Variants in RB1CC1 observed in about 807,000 individuals in gnomAD.
The protein encoded by RB1CC1 is RB1 inducible coiled-coil 1.
Under a neutral mutation model 177.5 loss-of-function variants are expected in RB1CC1, and 46 were observed. The ratio of observed to expected loss-of-function variants is 0.26; its 90% CI spans 0.20 to 0.33. The LOEUF (loss-of-function observed/expected upper bound fraction) is 0.33, where lower values mean the gene tolerates loss of function less well. Ranked by LOEUF, RB1CC1 falls within the 10% of genes least tolerant of loss-of-function variation. RB1CC1 has a pLI of 1.00. For missense variants in RB1CC1, 1,703 were observed against 1,816.3 expected, an observed-to-expected ratio of 0.94 and a Z score of 1.13; for synonymous variants, 666 against 613.6, an observed-to-expected ratio of 1.09 and a Z score of -1.26.
chr8:52,624,200 G>C (rs1848228799), intron 23 of RB1CC1, among the ~76,000 whole-genome samples: 1 of 151,882 alleles, frequency 6.6e-6, no homozygotes, highest in Non-Finnish European at 1.5e-5. Flanking sequence ...TATGGTTCAA[G>C]TTCTATTCGT....
intron 18 of RB1CC1, among the ~76,000 whole-genome samples, chr8:52,637,151 C>A (rs1490993948): frequency 6.6e-6 from 1 of 152,154 alleles, no homozygotes. Context: ...GTTGAACTGG[C>A]AGACCAATTT....
intron 7 of RB1CC1, among the ~76,000 whole-genome samples, chr8:52,671,810 G>A (rs1259564984): frequency 1.3e-5 from 2 of 151,902 alleles, no homozygotes; most frequent in Non-Finnish European, 2.9e-5. Flanking sequence ...GATCATCCTA[G>A]CACCTAGGTA....
In RB1CC1 at chr8:52,628,144, G is replaced by C. The variant is rs745382172; in HGVS notation, c.4524C>G (p.Leu1508=). Residue 1508 remains leucine, a synonymous_variant, in exon 22 of 24, where the codon CTC becomes CTG. Coordinates refer to ENST00000025008, the MANE Select transcript of RB1CC1 (RefSeq NM_014781.5). ...IRDFQVGDLV[L]IILDERHDNY... is the part of the protein sequence containing the mutation. ...TGTCATGGCGTTCGTCTAGGATGAT[G>C]AGTACCAAATCTCCCACCTGAAAAC... 1.9e-6 allele frequency: 3 copies of C among 1,608,914 alleles called. No homozygotes were observed. The highest frequency in any genetic ancestry group is 2.5e-6 in the Non-Finnish European group (3 of 1,176,850).
chr8:52,668,299 TA>T, intron 7 of RB1CC1, 108 bp from the exon 8 acceptor site: 1 of 1,299,936 alleles, frequency 7.7e-7, no homozygotes, highest in Non-Finnish European at 1.0e-6. Context: ...ATAAAAGATA[TA>T]AAAAAGCAAA....
chr8:52,662,638 A>G lies in RB1CC1; in HGVS notation c.1174-919T>C, dbSNP rs187520563. ...CTTCTAGGAACTTAACTTTATGACC[A>G]GCTAAAGGACAAGTGTGTCTTCCAA... On this transcript the variant is annotated intron_variant, in intron 8 of 23. Coordinates refer to ENST00000025008, the MANE Select transcript of RB1CC1 (RefSeq NM_014781.5). Among the ~76,000 whole-genome samples the G allele has an allele frequency of 1.5e-4, 23 of 152,154 alleles. No homozygotes were observed. In the East Asian group the frequency reaches 4.3e-3, roughly 28 times the overall value.
intron 7 of RB1CC1, among the ~76,000 whole-genome samples, chr8:52,672,108 C>A (rs1051566451): frequency 6.6e-6 from 1 of 152,214 alleles, no homozygotes; most frequent in South Asian, 2.1e-4. Flanking sequence ...ACTATAGCTA[C>A]CTTCTATTTT....
chr8:52,657,999 T>G lies in RB1CC1; in HGVS notation c.1919A>C (p.Lys640Thr). The change falls in exon 14 of 24, where the codon AAG (lysine) becomes ACG (threonine). Residue 640 changes from lysine to threonine, a missense_variant and splice_region_variant. Lys to Thr is a moderately conservative substitution (Grantham distance 78, BLOSUM62 -1). This residue lies in a region of RB1CC1 where 1,169 missense variants were observed against 1,184.7 expected (regional missense o/e 0.99). Transcript: ENST00000025008. The part of the protein sequence containing the change: ...QTITDLLSEQ[K>T]ASVSQTSPQS... The stretch of plus-strand genomic sequence containing the variant: ...ACTGTTTGAAAGAATTGAATTTGCC[T>G]TTTGTTCACTCAGTAGATCTGTAAT... The G allele has an allele frequency of 6.2e-7, 1 of 1,613,764 alleles. No individual in the cohort carries two copies. Among genetic ancestry groups the G allele is most frequent in the Non-Finnish European group, 8.5e-7 (1 of 1,179,908 alleles).
intron 1 of RB1CC1, among the ~76,000 whole-genome samples, chr8:52,701,455 T>C (rs890919378): frequency 1.3e-5 from 2 of 152,194 alleles, no homozygotes; most frequent in South Asian, 4.1e-4. Context: ...CAGCAGTAAA[T>C]GGAAAAAGGA....
At chr8:52,643,338 G>T (rs1849735570) in intron 16 of RB1CC1, 1 of 152,168 alleles carries the variant, frequency 6.6e-6, no homozygotes, top group African/African-American at 2.4e-5. Context: ...TGCCTGCATG[G>T]ATCTCATGAG....
At chr8:52,679,731 T>C (rs1296009587) in intron 5 of RB1CC1, among the ~76,000 whole-genome samples, 1 of 152,164 alleles carries the variant, frequency 6.6e-6, no homozygotes, top group Non-Finnish European at 1.5e-5. Context: ...ACACCACTAT[T>C]GCAGACATTT....
chr8:52,651,098 T>C (rs1563376865), intron 15 of RB1CC1, among the ~76,000 whole-genome samples: 2 of 152,076 alleles, frequency 1.3e-5, no homozygotes, highest in Non-Finnish European at 1.5e-5. Flanking sequence ...AAATGGAAAA[T>C]ACATATGGGA....
intron 7 of RB1CC1, among the ~76,000 whole-genome samples, chr8:52,670,269 C>T (rs920746000): frequency 3.9e-5 from 6 of 152,094 alleles, no homozygotes; most frequent in African/African-American, 1.4e-4. Context: ...ATATTTTATT[C>T]CATTTGTTCA....
intron 18 of RB1CC1, 46 bp downstream of exon 18, chr8:52,642,305 T>C: frequency 1.3e-6 from 2 of 1,578,290 alleles, no homozygotes; most frequent in Non-Finnish European, 1.7e-6. Flanking sequence ...TTATAACTCA[T>C]GGAATTGCAA....
At chr8:52,655,648 A>G (rs1851025263) in intron 15 of RB1CC1, among the ~76,000 whole-genome samples, 1 of 152,112 alleles carries the variant, frequency 6.6e-6, no homozygotes, top group East Asian at 1.9e-4. Context: ...TACTAAATTT[A>G]AAGAGAATAT....
chr8:52,658,113 A>G lies in RB1CC1; in HGVS notation c.1805T>C (p.Leu602Pro). 6.2e-7 allele frequency: 1 copy of G among 1,612,368 alleles called. No individual in the cohort carries two copies. Among genetic ancestry groups the G allele is most frequent in the Non-Finnish European group, 8.5e-7 (1 of 1,179,620 alleles). ...CTGGTGTAGAGGTTCAAAGTCACAA[A>G]GTAAGGGAACCCTGAAACAGAATGC... ...EVQPFLRVPL[L>P]CDFEPLHQHV... Residue 602 changes from leucine (L) to proline (P), a missense_variant, in exon 14 of 24, where the codon CTT (leucine) becomes CCT (proline). Physicochemically the swap from Leu to Pro is moderately conservative, Grantham distance 98. This residue lies in a region of RB1CC1 where 1,169 missense variants were observed against 1,184.7 expected (regional missense o/e 0.99). Transcript: ENST00000025008.
At chr8:52,713,929 G>T (rs113685028) in intron 1 of RB1CC1, 146 bp downstream of exon 1, 3,414 of 167,296 alleles carry the variant, frequency 0.02, 150 homozygotes, top group African/African-American at 0.077. Flanking sequence ...AGGCGCCGGG[G>T]CCCTCCCGTG....
intron 1 of RB1CC1, among the ~76,000 whole-genome samples, chr8:52,708,228 A>T (rs1252591725): frequency 6.6e-6 from 1 of 152,208 alleles, no homozygotes; most frequent in Non-Finnish European, 1.5e-5. Context: ...TTTAAAAGTC[A>T]AAGTATTGCC....
intron 1 of RB1CC1, among the ~76,000 whole-genome samples, chr8:52,709,163 T>C (rs1481978391): frequency 6.6e-6 from 1 of 151,838 alleles, no homozygotes; most frequent in African/African-American, 2.4e-5. Flanking sequence ...GCTGAGATCA[T>C]GCCATTGCAC....
chr8:52,661,285 G>A lies in RB1CC1; in HGVS notation c.1359-4C>T, dbSNP rs1488844112. 14 of 1,608,582 alleles carry A rather than the reference G, an allele frequency of 8.7e-6. No homozygotes were observed. The highest frequency in any genetic ancestry group is 1.2e-5 in the Non-Finnish European group (14 of 1,178,794). On this transcript the variant is annotated splice_polypyrimidine_tract_variant and splice_region_variant and intron_variant, in intron 9 of 23. Coordinates refer to ENST00000025008, the MANE Select transcript of RB1CC1 (RefSeq NM_014781.5). Reference sequence around the variant, plus strand: ...AAGCATTACAAAGCAACACCACCTAGAGAATAAAATCCATTATTTTCAACA... The same window carrying A: ...AAGCATTACAAAGCAACACCACCTAAAGAATAAAATCCATTATTTTCAACA...
Sources: allele counts gnomAD v4.1 joint callset (sites outside exome capture counted in the v4.1 genomes callset), GRCh38; gene constraint gnomAD v4.1.1; regional missense constraint gnomAD v4.1.1; transcripts MANE v1.5; gene names NCBI Gene and HGNC (gene_info 2026-07-23, HGNC 2026-07-21).